Variants in ASB3 observed in about 807,000 individuals in gnomAD.
ASB3 encodes ankyrin repeat and SOCS box protein 3.
ASB3 carries 41 observed loss-of-function variants against 54.5 expected under a neutral mutation model. The observed-to-expected ratio is 0.75, with a 90% CI of 0.59 to 0.98. ASB3 has a LOEUF of 0.98. Ranked by LOEUF, ASB3 falls within the 50% of genes least tolerant of loss-of-function variation. The pLI, the probability that ASB3 is intolerant of heterozygous loss-of-function variation, is 0.00. For synonymous variants in ASB3, 266 were observed against 221.2 expected, an observed-to-expected ratio of 1.20 and a Z score of -1.80; for missense variants, 733 against 620.0, an observed-to-expected ratio of 1.18 and a Z score of -1.94.
chr2:53,780,134 A>G (rs916999622), intron 1 of ASB3, among the ~76,000 whole-genome samples: 1 of 152,226 alleles, frequency 6.6e-6, no homozygotes, highest in Non-Finnish European at 1.5e-5. Flanking sequence ...TACCTAAAAT[A>G]TGAAACTGAG....
At chr2:53,700,181 T>C in intron 8 of ASB3, 90 bp downstream of exon 8, 1 of 1,521,498 alleles carries the variant, frequency 6.6e-7, no homozygotes, top group Non-Finnish European at 8.8e-7. Context: ...ACAGATACCC[T>C]TCTCCAAACA....
intron 7 of ASB3, among the ~76,000 whole-genome samples, chr2:53,706,208 G>C (rs556863103): frequency 3.2e-4 from 48 of 152,240 alleles, no homozygotes; most frequent in African/African-American, 1.1e-3. Context: ...ACTCATCCAA[G>C]CCCAAGAATC....
At chr2:53,719,744 C>G (rs901126301) in intron 5 of ASB3, among the ~76,000 whole-genome samples, 4 of 152,170 alleles carry the variant, frequency 2.6e-5, no homozygotes, top group African/African-American at 9.7e-5. Flanking sequence ...AGCCAGAAAC[C>G]CTTCTCAGGT....
chr2:53,757,715 C>T (rs1672913869), intron 2 of ASB3, among the ~76,000 whole-genome samples: 1 of 152,166 alleles, frequency 6.6e-6, no homozygotes, highest in South Asian at 2.1e-4. Flanking sequence ...TCCCTGGTGT[C>T]CCAGTTTAGA....
chr2:53,777,593 T>C (rs978899149), intron 1 of ASB3, among the ~76,000 whole-genome samples: 7 of 151,938 alleles, frequency 4.6e-5, no homozygotes, highest in Admixed American at 1.3e-4. Flanking sequence ...TGGAAACTTA[T>C]TGTACTAAAA....
intron 3 of ASB3, among the ~76,000 whole-genome samples, chr2:53,745,727 A>C (rs761259655): frequency 2.8e-4 from 43 of 152,228 alleles, no homozygotes; most frequent in Non-Finnish European, 2.6e-4. Context: ...TATAACATGT[A>C]ATAGAGTATA....
At chr2:53,673,938 C>G (rs1425366356) in intron 9 of ASB3, among the ~76,000 whole-genome samples, 3 of 152,040 alleles carry the variant, frequency 2.0e-5, no homozygotes, top group Non-Finnish European at 1.5e-5. Context: ...ATTATTAACA[C>G]AGACAATAAT....
At chr2:53,775,107 G>A (rs1375498054) in intron 1 of ASB3, 1 of 152,476 alleles carries the variant, frequency 6.6e-6, no homozygotes, top group African/African-American at 2.4e-5. Flanking sequence ...ATAATGTACT[G>A]TACCTCTTCT....
rs1669052704 is a variant in ASB3, at chr2:53,693,999, G to C, written c.1254C>G (p.Ser418Arg). The C allele has an allele frequency of 6.2e-7, 1 of 1,613,278 alleles. No individual in the cohort carries two copies. Among genetic ancestry groups the C allele is most frequent in the East Asian group, 2.2e-5 (1 of 44,858 alleles). Residue 418 changes from serine to arginine, a missense_variant, in exon 9 of 10, where the codon AGC becomes AGG. Transcript: ENST00000263634. ...LLCNSWIDSV[S>R]IDTLIFTLEF... ...CCAAAGTGAAGATAAGGGTGTCAAT[G>C]CTGACTGAGTCAATCCTATGTTAGC... is the stretch of plus-strand genomic sequence containing the variant.
At chr2:53,768,173 C>A (rs1351383917) in intron 1 of ASB3, 3 of 892,936 alleles carry the variant, frequency 3.4e-6, no homozygotes, top group African/African-American at 3.4e-5. Flanking sequence ...ATTTTCCCTG[C>A]CACCTGCCCG....
intron 3 of ASB3, among the ~76,000 whole-genome samples, chr2:53,730,087 TCTTA>T (rs1258428816): frequency 1.3e-5 from 2 of 152,308 alleles, no homozygotes; most frequent in African/African-American, 4.8e-5. Flanking sequence ...ATGTAAACGT[TCTTA>T]CTTATGTGAA....
chr2:53,685,248 C>T (rs1028071124), intron 9 of ASB3, among the ~76,000 whole-genome samples: 2 of 152,098 alleles, frequency 1.3e-5, no homozygotes, highest in South Asian at 4.2e-4. Flanking sequence ...TCAAGTAAGT[C>T]AGAAATGATC....
At chr2:53,686,078 CA>C (rs1486742639) in intron 9 of ASB3, among the ~76,000 whole-genome samples, 1 of 152,198 alleles carries the variant, frequency 6.6e-6, no homozygotes, top group African/African-American at 2.4e-5. Context: ...GCGTTATTAT[CA>C]CATGATTCTG....
chr2:53,723,573 GA>G (rs955224159), intron 5 of ASB3, among the ~76,000 whole-genome samples: 10 of 151,754 alleles, frequency 6.6e-5, no homozygotes, highest in Non-Finnish European at 1.3e-4. Flanking sequence ...TACAGAATTA[GA>G]AAAAAAATTT....
At chr2:53,676,170 G>C (rs1668071544) in intron 9 of ASB3, among the ~76,000 whole-genome samples, 1 of 152,124 alleles carries the variant, frequency 6.6e-6, no homozygotes, top group Non-Finnish European at 1.5e-5. Context: ...AATAACTATG[G>C]TCACTCCCAC....
At chr2:53,743,194 G>T (rs1396515270) in intron 3 of ASB3, among the ~76,000 whole-genome samples, 1 of 144,362 alleles carries the variant, frequency 6.9e-6, no homozygotes, top group Non-Finnish European at 1.5e-5. Flanking sequence ...CAGAGATGGG[G>T]TGGTCTCACT....
intron 1 of ASB3, among the ~76,000 whole-genome samples, chr2:53,778,068 G>A (rs1240958463): frequency 6.8e-6 from 1 of 147,838 alleles, no homozygotes; most frequent in Non-Finnish European, 1.5e-5. Context: ...AGAATTGCTT[G>A]AACCCAGGAG....
intron 1 of ASB3, chr2:53,767,598 G>A (rs1407395838): frequency 8.2e-6 from 3 of 363,878 alleles, no homozygotes; most frequent in African/African-American, 2.1e-5. Flanking sequence ...TCTGCACACG[G>A]GCACTAAAGG....
Position 53,773,142 on chromosome 2 carries a change from A to C in ASB3, c.-13-7557T>G, listed in dbSNP as rs374607894. 2.6e-5 allele frequency among the ~76,000 whole-genome samples: 4 copies of C among 152,334 alleles called. No homozygotes were observed. The East Asian group carries it at 5.8e-4, about 22-fold the overall frequency. The stretch of plus-strand genomic sequence containing the variant: ...GATACTACGAAAAGCATTTATAAAA[A>C]AGATCTTCAAATTGGTAACTTATAA... On this transcript the variant is annotated intron_variant, in intron 1 of 9. Transcript: ENST00000263634.
Sources: allele counts gnomAD v4.1 joint callset (sites outside exome capture counted in the v4.1 genomes callset), GRCh38; gene constraint gnomAD v4.1.1; transcripts MANE v1.5; gene names NCBI Gene and HGNC (gene_info 2026-07-23, HGNC 2026-07-21).